KLHL13: variants seen among roughly 807,000 people sequenced by gnomAD.
KLHL13 encodes the protein kelch-like protein 13.
Under a neutral mutation model 37.1 loss-of-function variants are expected in KLHL13, and 10 were observed. That is an observed-to-expected ratio of 0.27 (90% CI 0.17 to 0.46). The LOEUF (loss-of-function observed/expected upper bound fraction) is 0.46. Among genes scored for constraint, KLHL13 ranks in the 20% least tolerant of loss-of-function variants. KLHL13 has a pLI of 1.00. For missense variants in KLHL13, 360 were observed against 509.3 expected, an observed-to-expected ratio of 0.71 and a Z score of 2.82; for synonymous variants, 163 against 181.2, an observed-to-expected ratio of 0.90 and a Z score of 0.81.
chrX:117,904,044 TC>T (rs1930333691), intron 5 of KLHL13, among the ~76,000 whole-genome samples: 1 of 110,955 alleles, frequency 9.0e-6, no homozygotes, highest in African/African-American at 3.3e-5. Flanking sequence ...AATTGCATTT[TC>T]CCCTAATAGT....
chrX:117,918,509 T>C (rs1931499948), intron 4 of KLHL13, among the ~76,000 whole-genome samples: 1 of 111,503 alleles, frequency 9.0e-6, no homozygotes, highest in South Asian at 3.8e-4. Flanking sequence ...TTAGAAAATA[T>C]ACCAAAAATT....
At chrX:118,106,807 A>T (rs2148185501) in intron 1 of KLHL13, among the ~76,000 whole-genome samples, 1 of 112,064 alleles carries the variant, frequency 8.9e-6, no homozygotes, top group Non-Finnish European at 1.9e-5. Context: ...TAACACCTAA[A>T]GCTGTTCTCA....
intron 1 of KLHL13, among the ~76,000 whole-genome samples, chrX:117,951,186 A>C (rs1285241698): frequency 8.9e-6 from 1 of 112,023 alleles, no homozygotes; most frequent in Non-Finnish European, 1.9e-5. Flanking sequence ...TTTTGAAAAA[A>C]TCGGGAACAA....
chrX:118,116,875 A>C (rs1205525842), upstream of KLHL13: 2 of 20,315 alleles, frequency 9.8e-5, no homozygotes, highest in Admixed American at 6.7e-4. Context: ...TGGGGGGGGG[A>C]GCGCGCGGGC....
At chrX:118,045,082 G>A (rs1056943331) in intron 1 of KLHL13, among the ~76,000 whole-genome samples, 1 of 111,753 alleles carries the variant, frequency 8.9e-6, no homozygotes, top group Non-Finnish European at 1.9e-5. Flanking sequence ...ATTAAGAAAT[G>A]GGCAAAACAG....
intron 1 of KLHL13, among the ~76,000 whole-genome samples, chrX:117,971,796 A>AT (rs1219116791): frequency 1.8e-5 from 2 of 111,814 alleles, no homozygotes; most frequent in African/African-American, 3.2e-5. Context: ...TAAATACACA[A>AT]TTAAACTAAG....
At chrX:117,924,209 T>A (rs1931881062) in intron 2 of KLHL13, among the ~76,000 whole-genome samples, 1 of 112,288 alleles carries the variant, frequency 8.9e-6, no homozygotes, top group Admixed American at 9.4e-5. Flanking sequence ...TGTATATTAT[T>A]TTCCAGATAT....
intron 5 of KLHL13, among the ~76,000 whole-genome samples, chrX:117,904,305 C>T: frequency 9.0e-6 from 1 of 111,475 alleles, no homozygotes; most frequent in East Asian, 2.8e-4. Flanking sequence ...AAATAAAATA[C>T]ATCTAATTAA....
rs759613679 is a variant in KLHL13 at position 118,104,997 on chromosome X, A to T, written c.-56+11511T>A. Reference sequence around the variant, plus strand: ...AACAGAGCTCTGATTAGCTGTCAGTAAAAAGATTGTCAATTTGTTTTAACC... The same window carrying T: ...AACAGAGCTCTGATTAGCTGTCAGTTAAAAGATTGTCAATTTGTTTTAACC... On this transcript the variant is annotated intron_variant, in intron 1 of 6. Transcript: ENST00000371882. Among the ~76,000 whole-genome samples the T allele has an allele frequency of 8.9e-3, 997 of 112,644 alleles. 13 individuals carry two copies. The highest frequency in any genetic ancestry group is 0.03 in the African/African-American group (934 of 31,069).
chrX:118,051,084 T>G (rs1421260302), intron 1 of KLHL13, among the ~76,000 whole-genome samples: 1 of 110,295 alleles, frequency 9.1e-6, no homozygotes, highest in Non-Finnish European at 1.9e-5. Flanking sequence ...AGAGGCCCAT[T>G]ACAAGAATGT....
intron 2 of KLHL13, among the ~76,000 whole-genome samples, chrX:117,941,335 A>G: frequency 8.9e-6 from 1 of 111,826 alleles, no homozygotes; most frequent in Non-Finnish European, 1.9e-5. Context: ...TGGTATCAGG[A>G]TGATGCTGGC....
At chrX:117,961,762 T>C (rs766458161) in intron 1 of KLHL13, among the ~76,000 whole-genome samples, 1 of 110,925 alleles carries the variant, frequency 9.0e-6, no homozygotes, top group South Asian at 3.9e-4. Flanking sequence ...AACAAGATGA[T>C]AGGAACCTTG....
chrX:118,069,109 T>TCACACACACACACA (rs771534683), intron 1 of KLHL13, among the ~76,000 whole-genome samples: 1,067 of 83,955 alleles, frequency 0.013, 13 homozygotes, highest in Middle Eastern at 0.032. Context: ...TCCAGAAGAG[T>TCACACACACACACA]CACACACACA....
chrX:117,922,249 C>G (rs1323151970), intron 2 of KLHL13, among the ~76,000 whole-genome samples: 1 of 110,700 alleles, frequency 9.0e-6, no homozygotes, highest in African/African-American at 3.3e-5. Flanking sequence ...TGCAGTGGCG[C>G]GATCTCGGCA....
intron 2 of KLHL13, among the ~76,000 whole-genome samples, chrX:117,932,035 A>G (rs1034667828): frequency 2.7e-5 from 3 of 111,168 alleles, no homozygotes; most frequent in Non-Finnish European, 5.7e-5. Context: ...TTAAAATTTA[A>G]TTTTTAATTA....
At chrX:117,909,684 A>G (rs951446165) in exon 5 of KLHL13, 2 of 1,211,984 alleles carry the variant, frequency 1.7e-6, no homozygotes, top group Admixed American at 2.2e-5. Context: ...GTCTGACTGC[A>G]TAACTGGCTG....
At chrX:117,948,759 A>G in intron 1 of KLHL13, among the ~76,000 whole-genome samples, 1 of 112,088 alleles carries the variant, frequency 8.9e-6, no homozygotes, top group Admixed American at 9.5e-5. Context: ...ATGACCAACC[A>G]TAAAGCACAA....
At chrX:117,960,376 A>T (rs867161998) in intron 1 of KLHL13, among the ~76,000 whole-genome samples, 1 of 111,548 alleles carries the variant, frequency 9.0e-6, no homozygotes, top group Middle Eastern at 4.6e-3. Context: ...TTCTGAGGCC[A>T]TAACTTGCTG....
At chrX:118,025,821 G>A (rs1490995682) in intron 1 of KLHL13, among the ~76,000 whole-genome samples, 1 of 112,288 alleles carries the variant, frequency 8.9e-6, no homozygotes, top group East Asian at 2.8e-4. Flanking sequence ...TTGTGGAGAA[G>A]GAAGAAGCAG....
Sources: gnomAD v4.1 joint callset for allele counts (sites outside exome capture counted in the v4.1 genomes callset) on GRCh38, gnomAD v4.1.1 for gene constraint, MANE v1.5 for transcripts, NCBI Gene and HGNC (gene_info 2026-07-23, HGNC 2026-07-21) for gene names.